Variants in TCF12 observed in about 807,000 individuals in gnomAD.
TCF12 encodes the protein DNA-binding protein HTF4.
TCF12 carries 45 observed loss-of-function variants against 86.0 expected under a neutral mutation model. That is an observed-to-expected ratio of 0.52 (90% confidence interval 0.41 to 0.67). The LOEUF is 0.67. TCF12 is among the 30% of genes least tolerant of loss of function. The pLI, the probability that TCF12 is intolerant of heterozygous loss-of-function variation, is 0.00. For missense variants in TCF12, 881 were observed against 859.9 expected (o/e 1.02, Z -0.31); for synonymous variants, 330 against 299.6 (o/e 1.10, Z -1.05).
chr15:56,959,447 C>A (rs1360621454), intron 3 of TCF12, among the ~76,000 whole-genome samples: 1 of 152,190 alleles, frequency 6.6e-6, no homozygotes, highest in Admixed American at 6.5e-5. Context: ...AGTGCTCTCC[C>A]TTCCCTAGTA....
intron 3 of TCF12, among the ~76,000 whole-genome samples, chr15:56,929,371 T>G (rs1375245072): frequency 6.6e-6 from 1 of 152,242 alleles, no homozygotes; most frequent in African/African-American, 2.4e-5. Context: ...CAGATAGTTT[T>G]GTTAATAACA....
intron 3 of TCF12, among the ~76,000 whole-genome samples, chr15:56,928,948 A>AACAT (rs1284031729): frequency 6.6e-6 from 1 of 152,196 alleles, no homozygotes; most frequent in Non-Finnish European, 1.5e-5. Flanking sequence ...GAGAAGAAGG[A>AACAT]ACATAAACTC....
chr15:57,203,505 A>G (rs150788826), intron 8 of TCF12, among the ~76,000 whole-genome samples: 4 of 152,284 alleles, frequency 2.6e-5, no homozygotes, highest in African/African-American at 9.6e-5. Flanking sequence ...CTAGACCCAA[A>G]TACCTAAAGT....
intron 11 of TCF12, 93 bp from the exon 12 acceptor site, chr15:57,233,950 G>A: frequency 1.0e-6 from 1 of 956,354 alleles, no homozygotes. Context: ...GATGTGAGAT[G>A]ATGATAGAGA....
chr15:57,039,749 CATG>C (rs2066772040), intron 3 of TCF12, among the ~76,000 whole-genome samples: 1 of 152,116 alleles, frequency 6.6e-6, no homozygotes, highest in Non-Finnish European at 1.5e-5. Context: ...TTTCAGGAAT[CATG>C]AGACCCATTT....
At chr15:56,935,860 A>G (rs1473929964) in intron 3 of TCF12, among the ~76,000 whole-genome samples, 9 of 152,140 alleles carry the variant, frequency 5.9e-5, no homozygotes, top group Non-Finnish European at 1.3e-4. Context: ...TACAGATTCT[A>G]TCATGTATAT....
chr15:57,118,492 T>G (rs1304183558), intron 5 of TCF12: 1 of 152,174 alleles, frequency 6.6e-6, no homozygotes, highest in African/African-American at 2.4e-5. Context: ...CTTTGACATC[T>G]TACCAATTTG....
intron 6 of TCF12, among the ~76,000 whole-genome samples, chr15:57,174,991 C>T (rs1207417677): frequency 1.3e-5 from 2 of 152,000 alleles, no homozygotes; most frequent in East Asian, 3.8e-4. Context: ...AAGACTTCTG[C>T]TTATCAAAAG....
chr15:57,033,791 G>A (rs1173610756), intron 3 of TCF12, among the ~76,000 whole-genome samples: 1 of 152,086 alleles, frequency 6.6e-6, no homozygotes. Context: ...TCACAGCTCC[G>A]TAGACATTTG....
At chr15:57,059,429 C>T (rs1267694581) in intron 3 of TCF12, among the ~76,000 whole-genome samples, 1 of 152,074 alleles carries the variant, frequency 6.6e-6, no homozygotes, top group African/African-American at 2.4e-5. Flanking sequence ...CTCCCTGTTT[C>T]ATCCTTTCAT....
intron 7 of TCF12, among the ~76,000 whole-genome samples, chr15:57,197,282 G>A (rs931860049): frequency 4.7e-5 from 7 of 148,236 alleles, no homozygotes; most frequent in Non-Finnish European, 8.9e-5. Flanking sequence ...TCAACCTCCC[G>A]AGTCGCTGGG....
rs145534712 is a variant in TCF12 at position 57,247,766 on chromosome 15, G to C, written c.1115-3584G>C. ...ACACCTGTCAGCCTTGTGTGGTCTA[G>C]CACACCTTGCTGCCTCCACCTCTTC... On this transcript the variant is annotated intron_variant, in intron 13 of 20. Coordinates refer to ENST00000333725, the MANE Select transcript of TCF12 (RefSeq NM_207037.2). 2.1e-3 allele frequency: 1,596 copies of C among 742,436 alleles called. 15 individuals are homozygous for C. In the African/African-American group the frequency reaches 0.024, roughly 11 times the overall value. 46.0% of individuals were successfully genotyped at this position (742,436 alleles called of 1,614,324 possible). A position where few individuals can be genotyped will look rare whatever the true frequency, so the allele number is the denominator to read the frequency against.
chr15:57,250,720 TG>T (rs2060070524), intron 13 of TCF12, among the ~76,000 whole-genome samples: 1 of 147,856 alleles, frequency 6.8e-6, no homozygotes, highest in Admixed American at 6.8e-5. Context: ...CAGAGCAAGA[TG>T]CCATCTCAAA....
chr15:57,190,836 A>G (rs1175009162), intron 6 of TCF12, among the ~76,000 whole-genome samples: 1 of 152,200 alleles, frequency 6.6e-6, no homozygotes, highest in Non-Finnish European at 1.5e-5. Context: ...TGCCTAAGAT[A>G]TTAAAAAGGC....
chr15:57,023,876 A>T (rs2065650792), intron 3 of TCF12, among the ~76,000 whole-genome samples: 2 of 152,182 alleles, frequency 1.3e-5, no homozygotes, highest in Admixed American at 1.3e-4. Flanking sequence ...TAAGTATTCC[A>T]CCTCAGATCA....
chr15:56,983,828 C>T (rs2063012664), intron 3 of TCF12, among the ~76,000 whole-genome samples: 1 of 150,988 alleles, frequency 6.6e-6, no homozygotes, highest in Admixed American at 6.6e-5. Flanking sequence ...AATGAGACTC[C>T]GTTTCTACAA....
intron 3 of TCF12, among the ~76,000 whole-genome samples, chr15:56,961,107 CAA>C (rs2061731014): frequency 8.7e-6 from 1 of 115,214 alleles, no homozygotes; most frequent in African/African-American, 3.4e-5. Flanking sequence ...ACCTGGGCAA[CAA>C]GAGTGAAACT....
chr15:57,240,449 C>T (rs1259116156), intron 12 of TCF12, among the ~76,000 whole-genome samples: 1 of 152,176 alleles, frequency 6.6e-6, no homozygotes, highest in African/African-American at 2.4e-5. Flanking sequence ...CATCCATCCA[C>T]CATCAGTGTT....
At position 57,097,691 on chromosome 15, in the gene TCF12, A is replaced by C. The variant is rs796079977; in HGVS notation, c.325+5800A>C. Among the ~76,000 whole-genome samples, 16 of 152,256 alleles carry C rather than the reference A, an allele frequency of 1.1e-4. 1 individual carries two copies. Among genetic ancestry groups the C allele is most frequent in the African/African-American group, 3.9e-4 (16 of 41,558 alleles). ...TTTTACTTTTTCCAGTGTTTTAATA[A>C]CCCTAAATTTCATGAAAGAATATGA... On this transcript the variant is annotated intron_variant, in intron 5 of 20. Transcript: ENST00000333725.
Sources: allele counts gnomAD v4.1 joint callset (sites outside exome capture counted in the v4.1 genomes callset), GRCh38; gene constraint gnomAD v4.1.1; transcripts MANE v1.5; gene names NCBI Gene and HGNC (gene_info 2026-07-23, HGNC 2026-07-21).